CDC5L: variants seen among roughly 807,000 people sequenced by gnomAD.
CDC5L encodes the protein cell division cycle 5-like protein.
Under a neutral mutation model 104.1 loss-of-function variants are expected in CDC5L, and 18 were observed. That is an observed-to-expected ratio of 0.17 (90% CI 0.12 to 0.26). CDC5L has a LOEUF of 0.26. Among genes scored for constraint, CDC5L ranks in the 10% least tolerant of loss-of-function variants. The pLI, the probability that CDC5L is intolerant of heterozygous loss-of-function variation, is 1.00. For synonymous variants in CDC5L, 331 were observed against 322.7 expected, an observed-to-expected ratio of 1.03 and a Z score of -0.28; for missense variants, 673 against 956.9, an observed-to-expected ratio of 0.70 and a Z score of 3.91.
rs1317960291 is a variant in CDC5L, at chr6:44,449,000, AC to A, written c.*2290del. 1 of 152,242 alleles carries A rather than the reference AC, an allele frequency of 6.6e-6. No individual in the cohort carries two copies. 9.4% of individuals were successfully genotyped at this position (152,242 alleles called of 1,614,324 possible). ...ATGAGGTATATTAATAGATTTTCCC[AC>A]ATTAAATCATCTTTGCACTCCTGGA... On this transcript the variant is annotated 3_prime_UTR_variant, in exon 16 of 16. Coordinates refer to ENST00000371477, the MANE Select transcript of CDC5L (RefSeq NM_001253.4).
At chr6:44,390,145 G>A in intron 1 of CDC5L, 123 bp from the exon 2 acceptor site, 1 of 621,438 alleles carries the variant, frequency 1.6e-6, no homozygotes, top group Non-Finnish European at 2.9e-6. Context: ...TTTTAACCTA[G>A]GTGGTGTGTA....
chr6:44,399,686 G>C (rs1366217083), intron 5 of CDC5L, among the ~76,000 whole-genome samples: 6 of 152,134 alleles, frequency 3.9e-5, no homozygotes, highest in Non-Finnish European at 8.8e-5. Flanking sequence ...ACGGGGTCTT[G>C]CTCTGTTGCC....
rs1791740446 is a variant in CDC5L at position 44,413,284 on chromosome 6, A to G, written c.1092+4652A>G. Among the ~76,000 whole-genome samples the G allele has an allele frequency of 2.0e-5, 3 of 152,212 alleles. No homozygotes were observed. In the South Asian group the frequency reaches 6.2e-4, roughly 31 times the overall value. On this transcript the variant is annotated intron_variant, in intron 8 of 15. Transcript: ENST00000371477. ...ACTGGCTTTTTTCACTTTGCATTAT[A>G]TCGTCAAGGTTCATCCATGTTGTAG...
At chr6:44,406,256 G>A (rs962343807) in intron 6 of CDC5L, 67 bp from the exon 7 acceptor site, 10 of 1,182,286 alleles carry the variant, frequency 8.5e-6, no homozygotes, top group African/African-American at 6.2e-5. Context: ...TTGAGTATTT[G>A]TATGGATTTT....
rs1157981619 is a variant in CDC5L, at chr6:44,414,427, TGTG to T, written c.1093-5021_1093-5019del. Among the ~76,000 whole-genome samples, 1,318 of 148,800 alleles carry T rather than the reference TGTG, an allele frequency of 8.9e-3. 22 individuals carry two copies. The highest frequency in any genetic ancestry group is 0.031 in the African/African-American group (1,241 of 40,150). ...GTGTGTGTGTGTGTGTGTGTGTGTG[TGTG>T]TATTTTTTTTTAGAAATAGCTATTC... On this transcript the variant is annotated intron_variant, in intron 8 of 15. Transcript: ENST00000371477.
chr6:44,409,345 C>A (rs1370485446), intron 8 of CDC5L, among the ~76,000 whole-genome samples: 1 of 152,202 alleles, frequency 6.6e-6, no homozygotes, highest in Non-Finnish European at 1.5e-5. Context: ...TGACATTTGG[C>A]TTTCACACCC....
chr6:44,390,478 C>G (rs1313576563), intron 2 of CDC5L, 107 bp downstream of exon 2: 2 of 742,796 alleles, frequency 2.7e-6, no homozygotes, highest in Non-Finnish European at 4.4e-6. Context: ...TGTAATATAA[C>G]AAGGCATGGA....
chr6:44,389,283 A>G (rs1790489801), intron 1 of CDC5L, among the ~76,000 whole-genome samples: 1 of 152,186 alleles, frequency 6.6e-6, no homozygotes, highest in Non-Finnish European at 1.5e-5. Flanking sequence ...TGGAGAAGAG[A>G]TGACTTCTGA....
intron 8 of CDC5L, among the ~76,000 whole-genome samples, chr6:44,411,094 C>T (rs1791603139): frequency 6.6e-6 from 1 of 150,654 alleles, no homozygotes; most frequent in South Asian, 2.1e-4. Context: ...TTTTCTTTTC[C>T]TTGCATAGTT....
chr6:44,427,101 C>T (rs970295060), intron 13 of CDC5L, among the ~76,000 whole-genome samples: 1 of 152,076 alleles, frequency 6.6e-6, no homozygotes, highest in Non-Finnish European at 1.5e-5. Context: ...GTGAGAGAGA[C>T]TAATATAAAA....
At chr6:44,389,970 T>A (rs1034139655) in intron 1 of CDC5L, among the ~76,000 whole-genome samples, 5 of 152,220 alleles carry the variant, frequency 3.3e-5, no homozygotes, top group African/African-American at 1.2e-4. Flanking sequence ...TACTTTTTCT[T>A]AATTTTTGTC....
intron 6 of CDC5L, 76 bp from the exon 7 acceptor site, chr6:44,406,247 T>G: frequency 4.6e-6 from 5 of 1,092,634 alleles, no homozygotes; most frequent in Non-Finnish European, 4.0e-6. Flanking sequence ...TCAAAGGGTT[T>G]GAGTATTTGT....
chr6:44,422,638 T>C lies in CDC5L; in HGVS notation c.1242-9T>C, dbSNP rs373409321. On this transcript the variant is annotated splice_polypyrimidine_tract_variant and intron_variant, in intron 9 of 15. Transcript: ENST00000371477. ...GCACTTCTGTTAATTGGGATTCCTGTCTTTCTAGGACTCCTTCTAATGGAG... is the reference window on the plus strand; with the variant it reads ...GCACTTCTGTTAATTGGGATTCCTGCCTTTCTAGGACTCCTTCTAATGGAG... 3.2e-5 allele frequency: 49 copies of C among 1,548,422 alleles called. No homozygotes were observed. Among genetic ancestry groups the C allele is most frequent in the Admixed American group, 4.0e-5 (2 of 49,400 alleles).
intron 13 of CDC5L, among the ~76,000 whole-genome samples, chr6:44,428,877 G>A (rs757472501): frequency 9.9e-5 from 15 of 152,138 alleles, no homozygotes; most frequent in African/African-American, 2.9e-4. Flanking sequence ...TTACCATCAC[G>A]TGAGGTCCTG....
At position 44,403,977 on chromosome 6, in the gene CDC5L, C is replaced by T. The variant is rs6934058; in HGVS notation, c.708C>T (p.Asp236=). The T allele has an allele frequency of 0.12, 196,451 of 1,612,186 alleles. 20,485 individuals are homozygous for T. The highest frequency in any genetic ancestry group is 0.58 in the East Asian group (26,008 of 44,824). The change falls in exon 6 of 16, where the codon GAC becomes GAT. Residue 236 remains aspartate (D), a synonymous_variant. Coordinates refer to ENST00000371477, the MANE Select transcript of CDC5L (RefSeq NM_001253.4). The part of the protein sequence containing the change: ...DTSEENYQAL[D]ADFRKLRQQD... The stretch of plus-strand genomic sequence containing the variant: ...CTGAGGAAAACTACCAAGCTCTTGA[C>T]GCAGATTTCAGGAAATTAAGACAAC...
At chr6:44,434,308 C>T (rs1252314610) in intron 14 of CDC5L, among the ~76,000 whole-genome samples, 2 of 152,156 alleles carry the variant, frequency 1.3e-5, no homozygotes, top group Non-Finnish European at 2.9e-5. Flanking sequence ...TAAGGTTTTG[C>T]CTTCCTGGTT....
intron 7 of CDC5L, among the ~76,000 whole-genome samples, chr6:44,407,679 A>G (rs904548846): frequency 5.5e-4 from 83 of 152,272 alleles, no homozygotes; most frequent in African/African-American, 1.8e-3. Context: ...GTAGAATTGG[A>G]CAGATTTAAT....
At chr6:44,390,709 A>C (rs1790548995) in intron 2 of CDC5L, among the ~76,000 whole-genome samples, 1 of 152,166 alleles carries the variant, frequency 6.6e-6, no homozygotes, top group Non-Finnish European at 1.5e-5. Context: ...GGGACAGATG[A>C]GCCCCAGCTT....
intron 14 of CDC5L, among the ~76,000 whole-genome samples, chr6:44,441,251 T>C (rs896208291): frequency 6.6e-6 from 1 of 152,194 alleles, no homozygotes; most frequent in Middle Eastern, 3.2e-3. Flanking sequence ...ATATTTGGCT[T>C]TCTGTGCCTG....
Sources: gnomAD v4.1 joint callset for allele counts (sites outside exome capture counted in the v4.1 genomes callset) on GRCh38, gnomAD v4.1.1 for gene constraint, MANE v1.5 for transcripts, NCBI Gene and HGNC (gene_info 2026-07-23, HGNC 2026-07-21) for gene names.